NUP210: variants seen among roughly 807,000 people sequenced by gnomAD.
NUP210 encodes nucleoporin 210.
A neutral mutation model predicts 196.0 loss-of-function variants in NUP210; 151 were observed. The ratio of observed to expected loss-of-function variants is 0.77; its 90% confidence interval spans 0.67 to 0.88. The LOEUF (loss-of-function observed/expected upper bound fraction) is 0.88. Ranked by LOEUF, NUP210 falls within the 40% of genes least tolerant of loss-of-function variation. NUP210 has a pLI of 0.00. For missense variants in NUP210, 2,314 were observed against 2,493.7 expected, an observed-to-expected ratio of 0.93 and a Z score of 1.53; for synonymous variants, 1,070 against 1,052.7, an observed-to-expected ratio of 1.02 and a Z score of -0.32.
intron 32 of NUP210, among the ~76,000 whole-genome samples, chr3:13,326,197 C>T (rs974698148): frequency 1.2e-4 from 19 of 152,382 alleles, no homozygotes; most frequent in African/African-American, 3.6e-4. Flanking sequence ...CTCCCTGACC[C>T]ACAACTCCCT....
intron 1 of NUP210, among the ~76,000 whole-genome samples, chr3:13,405,331 G>A (rs1041217738): frequency 2.0e-5 from 3 of 152,100 alleles, no homozygotes; most frequent in South Asian, 2.1e-4. Flanking sequence ...CTTCAGACTC[G>A]AGCTGAAACA....
Position 13,364,620 on chromosome 3 carries a change from G to A in NUP210, c.1932+1326C>T, listed in dbSNP as rs576910388. ...GAGGTGGGAGGATCATCTGAGGTCG[G>A]GAGTTCGGGACCAGCCTCACTAACA... On this transcript the variant is annotated intron_variant, in intron 14 of 39. Coordinates refer to ENST00000254508, the MANE Select transcript of NUP210 (RefSeq NM_024923.4). Among the ~76,000 whole-genome samples, 4 of 152,254 alleles carry A rather than the reference G, an allele frequency of 2.6e-5. No homozygotes were observed. In the South Asian group the frequency reaches 8.3e-4, roughly 32 times the overall value.
At position 13,348,796 on chromosome 3, in the gene NUP210, G is replaced by C; in HGVS notation, c.2835+3083C>G. 1 of 985,396 alleles carries C rather than the reference G, an allele frequency of 1.0e-6. No individual in the cohort carries two copies. Among genetic ancestry groups the C allele is most frequent in the South Asian group, 4.7e-5 (1 of 21,288 alleles). 61.0% of individuals were successfully genotyped at this position (985,396 alleles called of 1,614,324 possible). ...GACTCCCTCCCCCTCCTTGAGGCACGGCGCTGAGAAAACATCCTCTTTGCA... is the reference window on the plus strand; with the variant it reads ...GACTCCCTCCCCCTCCTTGAGGCACCGCGCTGAGAAAACATCCTCTTTGCA... On this transcript the variant is annotated intron_variant, in intron 20 of 39. Transcript: ENST00000254508. The surrounding 1 kb of genome is among the most constrained non-coding windows in gnomAD (Gnocchi z 4.0).
At chr3:13,389,471 G>C (rs543689886) in intron 4 of NUP210, among the ~76,000 whole-genome samples, 6 of 152,156 alleles carry the variant, frequency 3.9e-5, no homozygotes, top group Non-Finnish European at 8.8e-5. Context: ...GGCTCAGGTG[G>C]GTAACGTTCC....
Position 13,420,150 on chromosome 3 carries a change from GC to G in NUP210, c.76del (p.Ala26ProfsTer61). ...LLAAGPSAAAAKLNIPKVLLP... is the reference protein window; with the variant it reads ...LLAAGPSAAAXKLNIPKVLLP... ...CAGCACTTTGGGGATGTTGAGCTTGGCCGCAGCGGCGGAGGGGCCCGCCGCC... is the reference window on the plus strand; with the variant it reads ...CAGCACTTTGGGGATGTTGAGCTTGGCGCAGCGGCGGAGGGGCCCGCCGCC... On this transcript the variant is annotated frameshift_variant, in exon 1 of 40. Transcript: ENST00000254508. LOFTEE classifies it high-confidence loss of function. This position sits in a 1 kb window ranked among gnomAD's most constrained non-coding sequence, Gnocchi z 4.8. The G allele has an allele frequency of 7.6e-7, 1 of 1,313,124 alleles. No individual in the cohort carries two copies. Among genetic ancestry groups the G allele is most frequent in the South Asian group, 1.8e-5 (1 of 54,372 alleles). The allele number at this position is 1,313,124 out of a possible 1,614,324, so 81.3% of individuals were successfully genotyped here. A position where few individuals can be genotyped will look rare whatever the true frequency, so the allele number is the denominator to read the frequency against.
At chr3:13,367,110 G>C (rs1020571671) in intron 13 of NUP210, among the ~76,000 whole-genome samples, 3 of 150,774 alleles carry the variant, frequency 2.0e-5, no homozygotes, top group Non-Finnish European at 4.4e-5. Flanking sequence ...TGGGCAATAA[G>C]AGTGAAACTC....
intron 20 of NUP210, among the ~76,000 whole-genome samples, chr3:13,346,933 C>A (rs1376169182): frequency 6.6e-6 from 1 of 152,220 alleles, no homozygotes; most frequent in Non-Finnish European, 1.5e-5. Context: ...TGAAACTTCA[C>A]ACAGGGACCC....
Position 13,392,734 on chromosome 3 carries a change from G to A in NUP210, c.437-1427C>T, listed in dbSNP as rs1000554219. On this transcript the variant is annotated intron_variant, in intron 3 of 39. Transcript: ENST00000254508. Reference sequence around the variant, plus strand: ...GTGAGAACCTTCTTCTGCACACTGAGCTGAAACAGGGTGCATATGGAGTAC... The same window carrying A: ...GTGAGAACCTTCTTCTGCACACTGAACTGAAACAGGGTGCATATGGAGTAC... Among the ~76,000 whole-genome samples the A allele has an allele frequency of 3.9e-5, 6 of 152,244 alleles. 1 individual carries two copies. Among genetic ancestry groups the A allele is most frequent in the African/African-American group, 1.4e-4 (6 of 41,472 alleles).
intron 20 of NUP210, among the ~76,000 whole-genome samples, chr3:13,344,124 C>T (rs1249919060): frequency 6.6e-6 from 1 of 152,226 alleles, no homozygotes; most frequent in African/African-American, 2.4e-5. Flanking sequence ...TCACAGCTCA[C>T]TACAACCTCA....
Position 13,333,455 on chromosome 3 carries a change from C to T in NUP210, c.3844-1071G>A, listed in dbSNP as rs141284507. 1.1e-3 allele frequency among the ~76,000 whole-genome samples: 173 copies of T among 152,326 alleles called. 1 individual carries two copies. The highest frequency in any genetic ancestry group is 3.9e-3 in the African/African-American group (164 of 41,568). On this transcript the variant is annotated intron_variant, in intron 28 of 39. Transcript: ENST00000254508. The stretch of plus-strand genomic sequence containing the variant: ...CCATGGCCAATATCATCGGATCTGA[C>T]GAGTGATTCTCTGAGAGGAAGATGG...
At position 13,360,164 on chromosome 3, in the gene NUP210, G is replaced by T; in HGVS notation, c.2154+106C>A. 3 of 925,896 alleles carry T rather than the reference G, an allele frequency of 3.2e-6. No homozygotes were observed. The African/African-American group carries it at 4.9e-5, about 15-fold the overall frequency. The allele number at this position is 925,896 out of a possible 1,614,324, so 57.4% of individuals were successfully genotyped here. A position where few individuals can be genotyped will look rare whatever the true frequency, so the allele number is the denominator to read the frequency against. On this transcript the variant is annotated intron_variant, in intron 15 of 39. Transcript: ENST00000254508. ...TCTGTAAAATGGGTACAATAGGAGT[G>T]GCTGTCTCTCAGCGTTACTCCAAGG...
chr3:13,351,654 T>G, intron 20 of NUP210: 1 of 466,240 alleles, frequency 2.1e-6, no homozygotes. Flanking sequence ...GCCCAGCTAA[T>G]TTTTGATTTT....
chr3:13,326,837 A>AC (rs572365217), intron 32 of NUP210, among the ~76,000 whole-genome samples: 119 of 151,956 alleles, frequency 7.8e-4, no homozygotes, highest in African/African-American at 2.5e-3. Flanking sequence ...GGGGCAGGGG[A>AC]CCCCCCCACC....
intron 20 of NUP210, among the ~76,000 whole-genome samples, chr3:13,349,846 C>T (rs989447518): frequency 6.6e-6 from 1 of 152,166 alleles, no homozygotes; most frequent in Admixed American, 6.5e-5. Flanking sequence ...CACTGGAGGC[C>T]GGCAAGTTTG....
chr3:13,357,772 C>G (rs1698232119), intron 16 of NUP210, among the ~76,000 whole-genome samples: 1 of 152,136 alleles, frequency 6.6e-6, no homozygotes, highest in Non-Finnish European at 1.5e-5. Context: ...ACTTTTGAAA[C>G]ACAACCCCAC....
intron 20 of NUP210, among the ~76,000 whole-genome samples, chr3:13,349,679 A>G (rs1171199005): frequency 1.3e-5 from 2 of 152,204 alleles, no homozygotes; most frequent in Admixed American, 6.5e-5. Context: ...CAGCAACTAA[A>G]TGCACCCAGA....
chr3:13,392,118 C>T (rs1240897455), intron 3 of NUP210, among the ~76,000 whole-genome samples: 1 of 152,178 alleles, frequency 6.6e-6, no homozygotes, highest in Admixed American at 6.5e-5. Context: ...TTCTGACCAG[C>T]TCCCAGTACA....
intron 1 of NUP210, among the ~76,000 whole-genome samples, chr3:13,400,403 T>C (rs1281398866): frequency 6.6e-6 from 1 of 151,990 alleles, no homozygotes; most frequent in Non-Finnish European, 1.5e-5. Flanking sequence ...GAGCGGATAT[T>C]ATAGCCACAG....
chr3:13,330,302 T>C (rs1696942597), intron 30 of NUP210, among the ~76,000 whole-genome samples, 158 bp downstream of exon 30: 1 of 152,236 alleles, frequency 6.6e-6, no homozygotes, highest in South Asian at 2.1e-4. Context: ...ATGCTGTAGC[T>C]TTTTATCTAC....
Sources: gnomAD v4.1 joint callset for allele counts (sites outside exome capture counted in the v4.1 genomes callset) on GRCh38, gnomAD v4.1.1 for gene constraint, Gnocchi (gnomAD v3.1) non-coding constraint, MANE v1.5 for transcripts, NCBI Gene and HGNC (gene_info 2026-07-23, HGNC 2026-07-21) for gene names.